PLCB4: variants seen among roughly 807,000 people sequenced by gnomAD.
PLCB4 encodes the protein 1-phosphatidylinositol 4,5-bisphosphate phosphodiesterase beta-4.
A neutral mutation model predicts 178.8 loss-of-function variants in PLCB4; 77 were observed. The ratio of observed to expected loss-of-function variants is 0.43; its 90% CI spans 0.36 to 0.52. The LOEUF is 0.52. Among genes scored for constraint, PLCB4 ranks in the 20% least tolerant of loss-of-function variants. The pLI is 0.00. For missense variants in PLCB4, 1,024 were observed against 1,453.4 expected, an observed-to-expected ratio of 0.70 and a Z score of 4.80; for synonymous variants, 496 against 490.8, an observed-to-expected ratio of 1.01 and a Z score of -0.14.
intron 2 of PLCB4, among the ~76,000 whole-genome samples, chr20:9,122,095 G>A (rs2091976781): frequency 6.6e-6 from 1 of 152,014 alleles, no homozygotes; most frequent in African/African-American, 2.4e-5. Flanking sequence ...ATATTTAATG[G>A]CAAGTTTTGA....
At chr20:9,097,543 C>G (rs969171490) in intron 2 of PLCB4, among the ~76,000 whole-genome samples, 1 of 152,050 alleles carries the variant, frequency 6.6e-6, no homozygotes, top group Non-Finnish European at 1.5e-5. Flanking sequence ...TAAGATTTTA[C>G]CTTTTAGATC....
intron 3 of PLCB4, among the ~76,000 whole-genome samples, chr20:9,294,283 G>T (rs755571773): frequency 6.6e-6 from 1 of 152,124 alleles, no homozygotes; most frequent in African/African-American, 2.4e-5. Context: ...AAGGGATGTT[G>T]TGTTGGCTGA....
At chr20:9,259,354 AATAG>A (rs1004160947) in intron 3 of PLCB4, among the ~76,000 whole-genome samples, 16 of 152,214 alleles carry the variant, frequency 1.1e-4, no homozygotes, top group Admixed American at 6.5e-5. Context: ...ACGTGTAAAA[AATAG>A]ATAGTACAGA....
intron 2 of PLCB4, among the ~76,000 whole-genome samples, chr20:9,108,486 C>G (rs145667870): frequency 0.025 from 3,825 of 152,076 alleles, 78 homozygotes; most frequent in Non-Finnish European, 0.04. Flanking sequence ...AAGATGAGGA[C>G]TGAAATTTGA....
At chr20:9,399,851 A>G (rs1175834143) in intron 19 of PLCB4, among the ~76,000 whole-genome samples, 1 of 152,204 alleles carries the variant, frequency 6.6e-6, no homozygotes, top group Non-Finnish European at 1.5e-5. Flanking sequence ...GTGACATGAG[A>G]AGTTTTGAAA....
intron 1 of PLCB4, among the ~76,000 whole-genome samples, chr20:9,089,635 G>C (rs1319059220): frequency 6.6e-6 from 1 of 152,052 alleles, no homozygotes; most frequent in Non-Finnish European, 1.5e-5. Flanking sequence ...TGTAGGAAGT[G>C]GTTCTAAGAT....
At chr20:9,327,512 C>T (rs2030849380) in intron 4 of PLCB4, among the ~76,000 whole-genome samples, 1 of 151,842 alleles carries the variant, frequency 6.6e-6, no homozygotes, top group Non-Finnish European at 1.5e-5. Flanking sequence ...CGCGGTGGCT[C>T]CCGCCTGTAG....
chr20:9,206,498 C>T (rs2093617389), intron 2 of PLCB4, among the ~76,000 whole-genome samples: 1 of 152,080 alleles, frequency 6.6e-6, no homozygotes, highest in Non-Finnish European at 1.5e-5. Context: ...GCTCCAGAAA[C>T]TTTTTTCTTT....
intron 3 of PLCB4, among the ~76,000 whole-genome samples, chr20:9,226,067 G>A (rs1017439466): frequency 1.3e-5 from 2 of 152,220 alleles, no homozygotes; most frequent in East Asian, 1.9e-4. Flanking sequence ...CCTGTGGGGG[G>A]AATCAAGTGT....
Position 9,462,177 on chromosome 20 carries a change from C to G in PLCB4, c.3248+2367C>G, listed in dbSNP as rs148958762. On this transcript the variant is annotated intron_variant, in intron 35 of 39. Coordinates refer to ENST00000378473, the MANE Select transcript of PLCB4 (RefSeq NM_001377142.1). Reference sequence around the variant, plus strand: ...ACAGACCTGCAGCTGAGGGACCTGACTAGTAGAAGGAAAACTAACAAACAG... The same window carrying G: ...ACAGACCTGCAGCTGAGGGACCTGAGTAGTAGAAGGAAAACTAACAAACAG... 7.2e-3 allele frequency among the ~76,000 whole-genome samples: 1,091 copies of G among 152,244 alleles called. 9 individuals are homozygous for G. Among genetic ancestry groups the G allele is most frequent in the African/African-American group, 0.025 (1,035 of 41,540 alleles).
chr20:9,411,028 T>C lies in PLCB4; in HGVS notation c.2000-9T>C. 6.2e-7 allele frequency: 1 copy of C among 1,605,138 alleles called. No homozygotes were observed. The highest frequency in any genetic ancestry group is 8.5e-7 in the Non-Finnish European group (1 of 1,171,994). On this transcript the variant is annotated splice_polypyrimidine_tract_variant and intron_variant, in intron 24 of 39. Coordinates refer to ENST00000378473, the MANE Select transcript of PLCB4 (RefSeq NM_001377142.1). ...GACAAGATGCTAAATTATTTTTGTC[T>C]CTTGACAGATTTAGCGATGCAATTG... is the stretch of plus-strand genomic sequence containing the variant.
intron 2 of PLCB4, among the ~76,000 whole-genome samples, chr20:9,162,863 T>C (rs895681128): frequency 6.6e-6 from 1 of 152,214 alleles, no homozygotes; most frequent in Non-Finnish European, 1.5e-5. Context: ...TTACATATTG[T>C]TCTGAAAAGC....
At chr20:9,343,742 C>T (rs1234787751) in intron 7 of PLCB4, among the ~76,000 whole-genome samples, 1 of 152,224 alleles carries the variant, frequency 6.6e-6, no homozygotes, top group African/African-American at 2.4e-5. Context: ...CAACTCTTCT[C>T]ACCTGCTTCT....
chr20:9,077,311 G>T (rs1206573585), intron 1 of PLCB4, among the ~76,000 whole-genome samples: 7 of 152,136 alleles, frequency 4.6e-5, no homozygotes, highest in Non-Finnish European at 8.8e-5. Context: ...TAAATTTCTA[G>T]AAATGGAACT....
At chr20:9,449,856 C>T (rs1024418858) in intron 32 of PLCB4, among the ~76,000 whole-genome samples, 1 of 152,146 alleles carries the variant, frequency 6.6e-6, no homozygotes, top group African/African-American at 2.4e-5. Context: ...AGACCTATAA[C>T]TTAGTTTTGC....
intron 39 of PLCB4, among the ~76,000 whole-genome samples, chr20:9,478,716 A>AT (rs1474953019): frequency 6.6e-6 from 1 of 152,182 alleles, no homozygotes; most frequent in Non-Finnish European, 1.5e-5. Context: ...ATTTTAACTG[A>AT]TTCAATAGAT....
At chr20:9,195,326 A>G (rs1380341418) in intron 2 of PLCB4, among the ~76,000 whole-genome samples, 2 of 152,192 alleles carry the variant, frequency 1.3e-5, no homozygotes, top group African/African-American at 2.4e-5. Flanking sequence ...ACCTTTGAGG[A>G]GCAAGGTTTC....
chr20:9,289,962 G>A (rs2147756369), intron 3 of PLCB4, among the ~76,000 whole-genome samples: 1 of 152,050 alleles, frequency 6.6e-6, no homozygotes, highest in East Asian at 1.9e-4. Flanking sequence ...AGTGTGTCAG[G>A]TCAGGGGTAA....
At chr20:9,243,658 A>G (rs1202527017) in intron 3 of PLCB4, among the ~76,000 whole-genome samples, 2 of 152,206 alleles carry the variant, frequency 1.3e-5, no homozygotes, top group Non-Finnish European at 2.9e-5. Flanking sequence ...ATCCGAATGT[A>G]TCTGGAAGTT....
Sources: allele counts gnomAD v4.1 joint callset (sites outside exome capture counted in the v4.1 genomes callset), GRCh38; gene constraint gnomAD v4.1.1; transcripts MANE v1.5; gene names NCBI Gene and HGNC (gene_info 2026-07-23, HGNC 2026-07-21).